UST: variants seen among roughly 807,000 people sequenced by gnomAD.
UST encodes uronyl 2-sulfotransferase.
UST carries 21 observed loss-of-function variants against 45.6 expected under a neutral mutation model. That is an observed-to-expected ratio of 0.46 (90% CI 0.33 to 0.66). The LOEUF is 0.66. UST is among the 30% of genes least tolerant of loss of function. The probability of loss-of-function intolerance (pLI) is 0.02; values close to 1 mark genes in which losing one functional copy is unlikely to be tolerated. For synonymous variants in UST, 215 were observed against 200.6 expected, an observed-to-expected ratio of 1.07 and a Z score of -0.61; for missense variants, 463 against 512.4, an observed-to-expected ratio of 0.90 and a Z score of 0.93.
intron 2 of UST, among the ~76,000 whole-genome samples, chr6:148,890,890 A>G (rs1779005526): frequency 6.6e-6 from 1 of 152,204 alleles, no homozygotes; most frequent in South Asian, 2.1e-4. Flanking sequence ...CACCATGGAG[A>G]TTTCTAGCAA....
At chr6:148,884,114 C>G (rs987479091) in intron 1 of UST, among the ~76,000 whole-genome samples, 1 of 132,378 alleles carries the variant, frequency 7.6e-6, no homozygotes, top group Middle Eastern at 4.2e-3. Context: ...GCCTGGGCAA[C>G]AAAGTGAGAC....
intron 1 of UST, among the ~76,000 whole-genome samples, chr6:148,750,091 T>C (rs1395797279): frequency 1.3e-5 from 2 of 152,234 alleles, no homozygotes; most frequent in Admixed American, 6.5e-5. Context: ...AAACACATCC[T>C]CTCAATTTCC....
At chr6:148,867,285 TACACACAC>T (rs58093813) in intron 1 of UST, among the ~76,000 whole-genome samples, 6,551 of 136,786 alleles carry the variant, frequency 0.048, 175 homozygotes, top group Middle Eastern at 0.1. Context: ...CATTGTTGAA[TACACACAC>T]ACACACACAC....
chr6:149,048,576 A>G (rs1776427313), intron 7 of UST, among the ~76,000 whole-genome samples: 1 of 152,096 alleles, frequency 6.6e-6, no homozygotes, highest in Admixed American at 6.5e-5. Context: ...TAAAGAATAA[A>G]TATGTTTAAT....
chr6:148,803,268 A>G (rs949342007), intron 1 of UST, among the ~76,000 whole-genome samples: 13 of 152,122 alleles, frequency 8.5e-5, no homozygotes, highest in African/African-American at 3.1e-4. Flanking sequence ...TTGGAAAAGG[A>G]AGAAAGAAAC....
intron 1 of UST, among the ~76,000 whole-genome samples, chr6:148,830,420 A>C (rs566235961): frequency 1.3e-5 from 2 of 152,238 alleles, no homozygotes; most frequent in African/African-American, 2.4e-5. Flanking sequence ...TTCTATCCCC[A>C]CAAAGACGAC....
intron 3 of UST, among the ~76,000 whole-genome samples, chr6:148,953,213 A>G (rs1780400736): frequency 6.6e-6 from 1 of 152,224 alleles, no homozygotes; most frequent in Non-Finnish European, 1.5e-5. Flanking sequence ...AATATCATTT[A>G]CAGAATAAGA....
intron 2 of UST, among the ~76,000 whole-genome samples, chr6:148,893,129 T>C (rs1253968050): frequency 2.0e-5 from 3 of 151,126 alleles, no homozygotes; most frequent in East Asian, 2.0e-4. Context: ...TAAGATATAT[T>C]ACTGATATCT....
intron 1 of UST, among the ~76,000 whole-genome samples, chr6:148,808,386 A>G (rs1331413979): frequency 6.6e-6 from 1 of 152,094 alleles, no homozygotes; most frequent in Non-Finnish European, 1.5e-5. Context: ...GATCCTAAAC[A>G]TGACCCCTTT....
chr6:148,899,696 G>A (rs988671423), intron 2 of UST, among the ~76,000 whole-genome samples: 1 of 152,240 alleles, frequency 6.6e-6, no homozygotes, highest in African/African-American at 2.4e-5. Context: ...AGAGTTTACA[G>A]AACCAAAGTG....
At chr6:149,025,360 A>G (rs1214774260) in intron 7 of UST, among the ~76,000 whole-genome samples, 2 of 152,176 alleles carry the variant, frequency 1.3e-5, no homozygotes, top group African/African-American at 4.8e-5. Flanking sequence ...TTTTATGGAG[A>G]CAGAATAGAG....
chr6:148,942,617 A>G (rs1034902491), intron 3 of UST, among the ~76,000 whole-genome samples: 4 of 152,044 alleles, frequency 2.6e-5, no homozygotes, highest in Non-Finnish European at 5.9e-5. Flanking sequence ...ATCCATGTCC[A>G]TTTTCTTTGG....
At chr6:148,756,822 G>C (rs1776108972) in intron 1 of UST, among the ~76,000 whole-genome samples, 1 of 152,188 alleles carries the variant, frequency 6.6e-6, no homozygotes, top group Non-Finnish European at 1.5e-5. Flanking sequence ...TGTTGATTCA[G>C]TATATTTGCT....
intron 7 of UST, among the ~76,000 whole-genome samples, chr6:149,064,472 A>T (rs1296025797): frequency 6.6e-6 from 1 of 152,198 alleles, no homozygotes; most frequent in Non-Finnish European, 1.5e-5. Flanking sequence ...CCAACTGATG[A>T]TGATGATGAT....
intron 7 of UST, among the ~76,000 whole-genome samples, chr6:149,029,283 A>G (rs1562333758): frequency 6.7e-6 from 1 of 149,646 alleles, no homozygotes; most frequent in Non-Finnish European, 1.5e-5. Flanking sequence ...AAAAGTATAT[A>G]CATGTATATC....
intron 5 of UST, among the ~76,000 whole-genome samples, chr6:148,975,185 C>T (rs1473907368): frequency 6.6e-6 from 1 of 152,236 alleles, no homozygotes; most frequent in Non-Finnish European, 1.5e-5. Context: ...CTTTATTTCT[C>T]TTGGTAACTA....
chr6:149,032,146 C>T (rs1216231774), intron 7 of UST, among the ~76,000 whole-genome samples: 1 of 152,178 alleles, frequency 6.6e-6, no homozygotes, highest in Non-Finnish European at 1.5e-5. Flanking sequence ...CGCAACCTGG[C>T]ACTGAGTCAC....
chr6:148,990,299 T>C (rs1269013163), intron 5 of UST: 1 of 749,668 alleles, frequency 1.3e-6, no homozygotes, highest in Non-Finnish European at 1.6e-6. Flanking sequence ...AGGAACTGGT[T>C]TTATAATAGA....
At chr6:148,840,154 C>G (rs1464779560) in intron 1 of UST, among the ~76,000 whole-genome samples, 2 of 152,118 alleles carry the variant, frequency 1.3e-5, no homozygotes. Context: ...GCAGAAGGAA[C>G]CCAAAGGAAG....
Sources: allele counts gnomAD v4.1 joint callset (sites outside exome capture counted in the v4.1 genomes callset), GRCh38; gene constraint gnomAD v4.1.1; transcripts MANE v1.5; gene names NCBI Gene and HGNC (gene_info 2026-07-23, HGNC 2026-07-21).